LYPD6B: variants seen among roughly 807,000 people sequenced by gnomAD.
The protein encoded by LYPD6B is ly6/PLAUR domain-containing protein 6B.
Under a neutral mutation model 22.8 loss-of-function variants are expected in LYPD6B, and 17 were observed. That is an observed-to-expected ratio of 0.75 (90% CI 0.51 to 1.12). The LOEUF (loss-of-function observed/expected upper bound fraction) is 1.12, where lower values mean the gene tolerates loss of function less well. Among genes scored for constraint, LYPD6B ranks in the 50% most tolerant of loss-of-function variants. LYPD6B has a pLI of 0.00. For missense variants in LYPD6B, 221 were observed against 258.3 expected, an observed-to-expected ratio of 0.86 and a Z score of 0.99; for synonymous variants, 106 against 91.6, an observed-to-expected ratio of 1.16 and a Z score of -0.90.
chr2:149,201,788 GA>G (rs1693175843), intron 3 of LYPD6B, among the ~76,000 whole-genome samples: 2 of 152,280 alleles, frequency 1.3e-5, no homozygotes, highest in Admixed American at 1.3e-4. Flanking sequence ...AAATGGAAAT[GA>G]AAATACATTT....
At chr2:149,152,045 C>A (rs1016772309) in intron 2 of LYPD6B, among the ~76,000 whole-genome samples, 2 of 152,154 alleles carry the variant, frequency 1.3e-5, no homozygotes, top group Non-Finnish European at 2.9e-5. Context: ...TCCTCAAGAT[C>A]TATTTTAAGT....
chr2:149,181,545 C>T (rs1382309668), intron 3 of LYPD6B, among the ~76,000 whole-genome samples: 2 of 152,162 alleles, frequency 1.3e-5, no homozygotes, highest in Non-Finnish European at 2.9e-5. Flanking sequence ...TCCCTTGAAC[C>T]CATCTAGCAC....
intron 1 of LYPD6B, among the ~76,000 whole-genome samples, chr2:149,061,351 T>A (rs896083745): frequency 2.6e-5 from 4 of 152,192 alleles, no homozygotes; most frequent in African/African-American, 4.8e-5. Flanking sequence ...TAAATTGCTA[T>A]AAGACTTAAT....
chr2:149,155,308 G>T (rs79027160), intron 2 of LYPD6B, among the ~76,000 whole-genome samples: 1 of 152,158 alleles, frequency 6.6e-6, no homozygotes, highest in South Asian at 2.1e-4. Flanking sequence ...TATCTAAATG[G>T]TTTGACAAGT....
chr2:149,141,680 G>A (rs1196853829), intron 2 of LYPD6B, among the ~76,000 whole-genome samples: 1 of 151,852 alleles, frequency 6.6e-6, no homozygotes, highest in Admixed American at 6.6e-5. Flanking sequence ...TTTACCCCCT[G>A]TACCTAATTG....
Position 149,097,873 on chromosome 2 carries a change from T to G in LYPD6B, c.-66-33010T>G, listed in dbSNP as rs182835074. Among the ~76,000 whole-genome samples the G allele has an allele frequency of 9.8e-4, 149 of 152,314 alleles. 1 individual carries two copies. The highest frequency in any genetic ancestry group is 1.3e-3 in the Non-Finnish European group (88 of 68,032). On this transcript the variant is annotated intron_variant, in intron 1 of 6. Transcript: ENST00000409642. ...GAATCTAAACATCAACAGATTTTTT[T>G]GGGGTATTTTTGTCATTCCATCATG...
intron 3 of LYPD6B, among the ~76,000 whole-genome samples, chr2:149,201,152 C>T (rs1036525219): frequency 1.3e-5 from 2 of 152,154 alleles, no homozygotes; most frequent in African/African-American, 2.4e-5. Flanking sequence ...AGCAAGAAGT[C>T]GCTCTTAACC....
chr2:149,108,346 C>A (rs1686582582), intron 1 of LYPD6B, among the ~76,000 whole-genome samples: 1 of 152,168 alleles, frequency 6.6e-6, no homozygotes, highest in South Asian at 2.1e-4. Flanking sequence ...GACTAATACA[C>A]CCTTGCAGTT....
intron 2 of LYPD6B, among the ~76,000 whole-genome samples, chr2:149,159,872 T>C (rs229332): frequency 0.81 from 123,228 of 152,114 alleles, 50,070 homozygotes; most frequent in Non-Finnish European, 0.83. Context: ...GAAAGGTAAT[T>C]TGCTTTATTC....
intron 1 of LYPD6B, among the ~76,000 whole-genome samples, chr2:149,106,882 A>G (rs2105514339): frequency 6.6e-6 from 1 of 151,482 alleles, no homozygotes; most frequent in East Asian, 1.9e-4. Flanking sequence ...GAGGTAATTG[A>G]TTTGAGAACT....
chr2:149,160,809 C>A lies in LYPD6B; in HGVS notation c.51C>A (p.Ser17Arg). The A allele has an allele frequency of 6.4e-7, 1 of 1,555,440 alleles. No homozygotes were observed. Among genetic ancestry groups the A allele is most frequent in the Non-Finnish European group, 8.7e-7 (1 of 1,148,344 alleles). Residue 17 changes from serine (S) to arginine (R), a missense_variant, in exon 3 of 7, where the codon AGC becomes AGA. Ser to Arg is a moderately radical substitution (Grantham distance 110). Coordinates refer to ENST00000409642, the MANE Select transcript of LYPD6B (RefSeq NM_177964.5). The stretch of plus-strand genomic sequence containing the variant: ...ACCTTTTCACTGTTCCAGAGAGGAG[C>A]CTGACAACCACATTCTCCTTCTCAA... ...SANLFTVPERSLTTTFSFSRY... is the reference protein window; with the variant it reads ...SANLFTVPERRLTTTFSFSRY...
chr2:149,199,134 C>A (rs1693004695), intron 3 of LYPD6B, among the ~76,000 whole-genome samples: 1 of 152,164 alleles, frequency 6.6e-6, no homozygotes, highest in South Asian at 2.1e-4. Context: ...GGGAAGCAGG[C>A]ACCTAAGATT....
At chr2:149,134,907 T>C (rs1688263456) in intron 2 of LYPD6B, among the ~76,000 whole-genome samples, 1 of 152,138 alleles carries the variant, frequency 6.6e-6, no homozygotes, top group African/African-American at 2.4e-5. Flanking sequence ...CAAAGTTATC[T>C]TAGAATCATG....
chr2:149,075,302 A>G (rs183423203), intron 1 of LYPD6B, among the ~76,000 whole-genome samples: 47 of 152,336 alleles, frequency 3.1e-4, no homozygotes, highest in Admixed American at 1.5e-3. Flanking sequence ...CAAATATTAT[A>G]GTAATAGAAA....
At chr2:149,049,138 C>T (rs1198073724) in intron 1 of LYPD6B, among the ~76,000 whole-genome samples, 1 of 152,164 alleles carries the variant, frequency 6.6e-6, no homozygotes, top group Non-Finnish European at 1.5e-5. Flanking sequence ...CAGTTCTCTC[C>T]TAATGTGCCT....
chr2:149,160,795 G>A lies in LYPD6B; in HGVS notation c.37G>A (p.Val13Ile), dbSNP rs1480009764. ...LITLSANLFT[V>I]PERSLTTTFS... ...TACTCTGAGTGCAAACCTTTTCACT[G>A]TTCCAGAGAGGAGCCTGACAACCAC... The change falls in exon 3 of 7, where the codon GTT becomes ATT. Residue 13 changes from valine (V) to isoleucine (I), a missense_variant. Transcript: ENST00000409642. 3 of 1,556,450 alleles carry A rather than the reference G, an allele frequency of 1.9e-6. No homozygotes were observed. Among genetic ancestry groups the A allele is most frequent in the Non-Finnish European group, 2.6e-6 (3 of 1,148,968 alleles).
At chr2:149,143,079 A>C (rs1489925792) in intron 2 of LYPD6B, among the ~76,000 whole-genome samples, 3 of 152,208 alleles carry the variant, frequency 2.0e-5, no homozygotes, top group Non-Finnish European at 4.4e-5. Flanking sequence ...CATTATTATT[A>C]GTTAACATGC....
chr2:149,042,835 C>T (rs964213827), intron 1 of LYPD6B, among the ~76,000 whole-genome samples: 2 of 152,130 alleles, frequency 1.3e-5, no homozygotes, highest in Non-Finnish European at 2.9e-5. Flanking sequence ...ATGGTCTAAG[C>T]AGGTAGGGTT....
At chr2:149,146,304 T>C (rs1471977234) in intron 2 of LYPD6B, among the ~76,000 whole-genome samples, 1 of 151,564 alleles carries the variant, frequency 6.6e-6, no homozygotes, top group Non-Finnish European at 1.5e-5. Flanking sequence ...GGCTGAGTGG[T>C]GCATGCACTG....
Sources: gnomAD v4.1 joint callset for allele counts (sites outside exome capture counted in the v4.1 genomes callset) on GRCh38, gnomAD v4.1.1 for gene constraint, MANE v1.5 for transcripts, NCBI Gene and HGNC (gene_info 2026-07-23, HGNC 2026-07-21) for gene names.